Variants in PTGS2 observed in about 807,000 individuals in gnomAD.
PTGS2 encodes prostaglandin-endoperoxide synthase 2, also known as prostaglandin G/H synthase 2.
In PTGS2, 14 loss-of-function variants were observed where a neutral mutation model predicts 63.8. The observed-to-expected ratio is 0.22, with a 90% confidence interval of 0.14 to 0.34. PTGS2 has a LOEUF of 0.34. PTGS2 is among the 10% of genes least tolerant of loss of function. The pLI is 1.00. For missense variants in PTGS2, 533 were observed against 738.5 expected, an observed-to-expected ratio of 0.72 and a Z score of 3.23; for synonymous variants, 271 against 259.5, an observed-to-expected ratio of 1.04 and a Z score of -0.43.
Position 186,674,722 on chromosome 1 carries a change from A to G in PTGS2, c.1446T>C (p.Gly482=), listed in dbSNP as rs1174614062. The stretch of plus-strand genomic sequence containing the variant: ...GATACAGCTCCACAGCATCGATGTC[A>G]CCATAGAGTGCTTCCAACTCTGCAG... ...EMSAELEALY[G]DIDAVELYPA... Residue 482 remains glycine (G), a synonymous_variant, in exon 10 of 10, where the codon GGT becomes GGC. Coordinates refer to ENST00000367468, the MANE Select transcript of PTGS2 (RefSeq NM_000963.4). The G allele has an allele frequency of 1.9e-6, 3 of 1,613,928 alleles. No homozygotes were observed. Among genetic ancestry groups the G allele is most frequent in the Admixed American group, 3.3e-5 (2 of 59,972 alleles).
In PTGS2 at chr1:186,680,094, TA is replaced by T; in HGVS notation, c.52+144del. 2.4e-6 allele frequency: 3 copies of T among 1,243,542 alleles called. No individual in the cohort carries two copies. In the South Asian group the frequency reaches 4.2e-5, roughly 18 times the overall value. 77.0% of individuals were successfully genotyped at this position (1,243,542 alleles called of 1,614,324 possible). On this transcript the variant is annotated intron_variant, in intron 1 of 9. Transcript: ENST00000367468. ...ATATCCACGGAGTTCTTTCGAACTC[TA>T]GCGGTCCAAGCTCTTTCCCAAGTCA... is the stretch of plus-strand genomic sequence containing the variant.
intron 7 of PTGS2, 50 bp downstream of exon 7, chr1:186,676,417 C>T (rs760520027): frequency 1.9e-6 from 3 of 1,591,410 alleles, no homozygotes; most frequent in Non-Finnish European, 1.7e-6. Flanking sequence ...AGATAGCACA[C>T]TAATTTTCCC....
chr1:186,676,376 C>T, intron 7 of PTGS2, 91 bp downstream of exon 7: 2 of 1,512,112 alleles, frequency 1.3e-6, no homozygotes, highest in South Asian at 1.3e-5. Flanking sequence ...TTTCATTTAC[C>T]ACATCTTGTC....
intron 5 of PTGS2, among the ~76,000 whole-genome samples, chr1:186,677,299 T>C (rs1292428664): frequency 1.3e-5 from 2 of 152,204 alleles, no homozygotes; most frequent in African/African-American, 4.8e-5. Flanking sequence ...CACTTTACAA[T>C]ATTGAAAGCG....
chr1:186,678,275 G>A lies in PTGS2; in HGVS notation c.443C>T (p.Pro148Leu), dbSNP rs780636784. The A allele has an allele frequency of 6.2e-7, 1 of 1,609,588 alleles. No homozygotes were observed. The highest frequency in any genetic ancestry group is 8.5e-7 in the Non-Finnish European group (1 of 1,177,856). Reference sequence around the variant, plus strand: ...TTCTTACTCACCTTTGACACCCAAGGGAGTCGGGCAATCATCAGGCACAGG... The same window carrying A: ...TTCTTACTCACCTTTGACACCCAAGAGAGTCGGGCAATCATCAGGCACAGG... ...LPPVPDDCPTPLGVKGKKQLP... is the reference protein window; with the variant it reads ...LPPVPDDCPTLLGVKGKKQLP... The change falls in exon 4 of 10, where the codon CCC becomes CTC. Residue 148 changes from proline to leucine, a missense_variant. Physicochemically the swap from Pro to Leu is moderately conservative, Grantham distance 98. Transcript: ENST00000367468.
At chr1:186,677,914 C>CATTTATATGAAGAGATTACA in intron 4 of PTGS2, 84 bp from the exon 5 acceptor site, 1 of 1,293,824 alleles carries the variant, frequency 7.7e-7, no homozygotes, top group Non-Finnish European at 1.1e-6. Flanking sequence ...AAGAATTCTT[C>CATTTATATGAAGAGATTACA]ATTTATATGA....
In PTGS2 at chr1:186,674,328, A is replaced by C; in HGVS notation, c.*25T>G. On this transcript the variant is annotated 3_prime_UTR_variant, in exon 10 of 10. Coordinates refer to ENST00000367468, the MANE Select transcript of PTGS2 (RefSeq NM_000963.4). The stretch of plus-strand genomic sequence containing the variant: ...AAATTAATAGACATGGTTCATATAA[A>C]TAAATAAATATGATCATTAGACTTC... The C allele has an allele frequency of 7.2e-7, 1 of 1,392,774 alleles. No homozygotes were observed. Among genetic ancestry groups the C allele is most frequent in the Non-Finnish European group, 9.6e-7 (1 of 1,043,694 alleles). The allele number at this position is 1,392,774 out of a possible 1,614,324, so 86.3% of individuals were successfully genotyped here. A position where few individuals can be genotyped will look rare whatever the true frequency, so the allele number is the denominator to read the frequency against.
In PTGS2 at chr1:186,674,541, G is replaced by C. The variant is rs751835602; in HGVS notation, c.1627C>G (p.Gln543Glu). The C allele has an allele frequency of 6.2e-6, 10 of 1,614,058 alleles. No individual in the cohort carries two copies. The Admixed American group carries it at 8.3e-5, about 13-fold the overall frequency. Residue 543 changes from glutamine to glutamate, a missense_variant, in exon 10 of 10, where the codon CAA (glutamine) becomes GAA (glutamate). Around this residue, in one of 5 missense-constraint regions of PTGS2, gnomAD observed 219 missense variants for 267.4 expected, o/e 0.82. Transcript: ENST00000367468. The stretch of plus-strand genomic sequence containing the variant: ...TGAATTGAGGCAGTGTTGATGATTT[G>C]AAAACCCACTTCTCCACCAAAAGTG... ...PSTFGGEVGF[Q>E]IINTASIQSL...
Position 186,674,759 on chromosome 1 carries a change from T to A in PTGS2, c.1409A>T (p.Glu470Val). The A allele has an allele frequency of 6.2e-7, 1 of 1,601,904 alleles. No individual in the cohort carries two copies. The highest frequency in any genetic ancestry group is 8.5e-7 in the Non-Finnish European group (1 of 1,174,398). ...PYESFEELTG[E>V]KEMSAELEAL... Reference sequence around the variant, plus strand: ...TTCCAACTCTGCAGACATTTCCTTTTCTCCTGTGAAGGCGATGAAGACAGA... The same window carrying A: ...TTCCAACTCTGCAGACATTTCCTTTACTCCTGTGAAGGCGATGAAGACAGA... The change falls in exon 10 of 10, where the codon GAA becomes GTA. Residue 470 changes from glutamate (E) to valine (V), a missense_variant. Physicochemically the swap from Glu to Val is moderately radical, Grantham distance 121 (BLOSUM62 -2). Transcript: ENST00000367468.
intron 1 of PTGS2, among the ~76,000 whole-genome samples, 171 bp from the exon 2 acceptor site, chr1:186,679,609 C>T (rs1665840788): frequency 6.6e-6 from 1 of 152,160 alleles, no homozygotes; most frequent in Admixed American, 6.5e-5. Flanking sequence ...CGTAGAAATA[C>T]CAATTTTCTA....
Position 186,673,414 on chromosome 1 carries a change from A to G in PTGS2, c.*939T>C, listed in dbSNP as rs1195588566. 1 of 152,218 alleles carries G rather than the reference A, an allele frequency of 6.6e-6. No individual in the cohort carries two copies. Among genetic ancestry groups the G allele is most frequent in the Non-Finnish European group, 1.5e-5 (1 of 68,028 alleles). 9.4% of individuals were successfully genotyped at this position (152,218 alleles called of 1,614,324 possible). ...AAAAGTTTAAACCTAAATTTGAACAATAATTTGGTTTTCTTCTTTGTTATT... is the reference window on the plus strand; with the variant it reads ...AAAAGTTTAAACCTAAATTTGAACAGTAATTTGGTTTTCTTCTTTGTTATT... On this transcript the variant is annotated 3_prime_UTR_variant, in exon 10 of 10. Coordinates refer to ENST00000367468, the MANE Select transcript of PTGS2 (RefSeq NM_000963.4).
chr1:186,678,898 T>G (rs1665826811), intron 3 of PTGS2, among the ~76,000 whole-genome samples, 160 bp downstream of exon 3: 1 of 152,200 alleles, frequency 6.6e-6, no homozygotes, highest in South Asian at 2.1e-4. Context: ...TGGGACTAAA[T>G]GTCAATATTT....
chr1:186,674,900 C>A (rs958271167), intron 9 of PTGS2, 138 bp from the exon 10 acceptor site: 20 of 1,081,666 alleles, frequency 1.8e-5, no homozygotes, highest in African/African-American at 3.2e-5. Flanking sequence ...GTTTAGGGGC[C>A]AGGCGCGGTG....
In PTGS2 at chr1:186,675,341, A is replaced by G. The variant is rs762156881; in HGVS notation, c.1313T>C (p.Ile438Thr). 7.4e-6 allele frequency: 12 copies of G among 1,614,226 alleles called. No individual in the cohort carries two copies. The highest frequency in any genetic ancestry group is 1.0e-5 in the Non-Finnish European group (12 of 1,180,032). ...PAVQKVSQAS[I>T]DQSRQMKYQS... is the part of the protein sequence containing the mutation. The stretch of plus-strand genomic sequence containing the variant: ...GTATTTCATCTGCCTGCTCTGGTCA[A>G]TGGAAGCCTGTGATACTTTCTGTAC... Residue 438 changes from isoleucine (I) to threonine (T), a missense_variant, in exon 9 of 10, where the codon ATT becomes ACT. By Grantham distance (89) the Ile-to-Thr change is moderately conservative (BLOSUM62 -1). This residue lies in a region of PTGS2 where 219 missense variants were observed against 267.4 expected (regional missense o/e 0.82). Coordinates refer to ENST00000367468, the MANE Select transcript of PTGS2 (RefSeq NM_000963.4).
chr1:186,675,372 G>T lies in PTGS2; in HGVS notation c.1282C>A (p.Pro428Thr), dbSNP rs4648279. Residue 428 changes from proline (P) to threonine (T), a missense_variant, in exon 9 of 10, where the codon CCC (proline) becomes ACC (threonine). Physicochemically the swap from Pro to Thr is conservative, Grantham distance 38. This residue lies in a region of PTGS2 where 219 missense variants were observed against 267.4 expected (regional missense o/e 0.82). Transcript: ENST00000367468. ...GRVAGGRNVP[P>T]AVQKVSQASI... ...GCCTGTGATACTTTCTGTACTGCGG[G>T]TGGAACATTCCTACCACCAGCAACC... is the stretch of plus-strand genomic sequence containing the variant. The T allele has an allele frequency of 2.3e-5, 37 of 1,613,068 alleles. No homozygotes were observed. Among genetic ancestry groups the T allele is most frequent in the Middle Eastern group, 1.7e-4 (1 of 6,060 alleles).
At position 186,677,725 on chromosome 1, in the gene PTGS2, G is replaced by A. The variant is rs2102006619; in HGVS notation, c.563C>T (p.Ala188Val). The change falls in exon 5 of 10, where the codon GCC becomes GTC. Residue 188 changes from alanine to valine, a missense_variant. Physicochemically the swap from Ala to Val is moderately conservative, Grantham distance 64 (BLOSUM62 0). Transcript: ENST00000367468. ...GAAAAACTGATGCGTGAAGTGCTGG[G>A]CAAAGAATGCAAACATCATGTTTGA... Reference protein sequence around the residue: ...QGSNMMFAFFAQHFTHQFFKT... With the variant: ...QGSNMMFAFFVQHFTHQFFKT... The A allele has an allele frequency of 6.2e-7, 1 of 1,614,036 alleles. No homozygotes were observed. Among genetic ancestry groups the A allele is most frequent in the Non-Finnish European group, 8.5e-7 (1 of 1,179,964 alleles).
At position 186,680,402 on chromosome 1, in the gene PTGS2, C is replaced by A. The variant is rs1665859842; in HGVS notation, c.-112G>T. The A allele has an allele frequency of 1.4e-6, 1 of 706,684 alleles. No homozygotes were observed. Among genetic ancestry groups the A allele is most frequent in the South Asian group, 1.9e-5 (1 of 52,696 alleles). 43.8% of individuals were successfully genotyped at this position (706,684 alleles called of 1,614,324 possible). A position where few individuals can be genotyped will look rare whatever the true frequency, so the allele number is the denominator to read the frequency against. The stretch of plus-strand genomic sequence containing the variant: ...AGTTCCTGGACGTGCTCCTGACGCT[C>A]ACTGCAAGTCGTATGACAATTGGTC... On this transcript the variant is annotated 5_prime_UTR_variant, in exon 1 of 10. Coordinates refer to ENST00000367468, the MANE Select transcript of PTGS2 (RefSeq NM_000963.4).
rs746777440 is a variant in PTGS2, at chr1:186,679,390, C to G, written c.101G>C (p.Ser34Thr). 11 of 1,614,046 alleles carry G rather than the reference C, an allele frequency of 6.8e-6. No homozygotes were observed. Among genetic ancestry groups the G allele is most frequent in the Non-Finnish European group, 9.3e-6 (11 of 1,180,040 alleles). ...GCACTTATACTGGTCAAATCCCACA[C>G]TCATACATACACCTCGGTTTTGACA... ...HPCQNRGVCM[S>T]VGFDQYKCDC... Residue 34 changes from serine (S) to threonine (T), a missense_variant, in exon 2 of 10, where the codon AGT becomes ACT. This residue lies in a region of PTGS2 where 118 missense variants were observed against 144.6 expected (regional missense o/e 0.82). Coordinates refer to ENST00000367468, the MANE Select transcript of PTGS2 (RefSeq NM_000963.4).
chr1:186,680,308 C>A lies in PTGS2; in HGVS notation c.-18G>T. The A allele has an allele frequency of 1.3e-6, 2 of 1,534,832 alleles. No homozygotes were observed. The highest frequency in any genetic ancestry group is 8.8e-7 in the Non-Finnish European group (1 of 1,139,492). On this transcript the variant is annotated 5_prime_UTR_variant, in exon 1 of 10. Coordinates refer to ENST00000367468, the MANE Select transcript of PTGS2 (RefSeq NM_000963.4). ...GCGAGCATCGCAGCGGCGGGCAGGG[C>A]GCGGCGCGGGGGTAGGCTTTGCTGT... is the stretch of plus-strand genomic sequence containing the variant.
Sources: gnomAD v4.1 joint callset for allele counts (sites outside exome capture counted in the v4.1 genomes callset) on GRCh38, gnomAD v4.1.1 for gene constraint, gnomAD v4.1.1 regional missense constraint, MANE v1.5 for transcripts, NCBI Gene and HGNC (gene_info 2026-07-23, HGNC 2026-07-21) for gene names.